Variants in NFIA observed in about 807,000 individuals in gnomAD.
NFIA encodes the protein nuclear factor I A.
Under a neutral mutation model 62.8 loss-of-function variants are expected in NFIA, and 8 were observed. The observed-to-expected ratio is 0.13, with a 90% confidence interval of 0.07 to 0.23. The LOEUF (loss-of-function observed/expected upper bound fraction) is 0.23, where lower values mean the gene tolerates loss of function less well. NFIA is among the 10% of genes least tolerant of loss of function. The pLI, the probability that NFIA is intolerant of heterozygous loss-of-function variation, is 1.00. For missense variants in NFIA, 410 were observed against 642.1 expected, an observed-to-expected ratio of 0.64 and a Z score of 3.91; for synonymous variants, 235 against 238.1, an observed-to-expected ratio of 0.99 and a Z score of 0.12.
chr1:61,231,238 G>T (rs1386812697), intron 2 of NFIA, among the ~76,000 whole-genome samples: 2 of 152,056 alleles, frequency 1.3e-5, no homozygotes, highest in African/African-American at 2.4e-5. Context: ...AAATTTCCTG[G>T]TTTTTTCTTT....
At chr1:61,127,283 C>T (rs765047945) in intron 2 of NFIA, among the ~76,000 whole-genome samples, 4 of 151,782 alleles carry the variant, frequency 2.6e-5, no homozygotes, top group Non-Finnish European at 5.9e-5. Context: ...CTGTGAAACC[C>T]CATCTCTACT....
intron 2 of NFIA, among the ~76,000 whole-genome samples, chr1:61,202,457 G>T (rs1652571418): frequency 6.6e-6 from 1 of 152,084 alleles, no homozygotes; most frequent in African/African-American, 2.4e-5. Flanking sequence ...GTACATTTTT[G>T]AGATTTATTG....
chr1:61,268,228 A>G (rs556299943), intron 2 of NFIA, among the ~76,000 whole-genome samples: 1 of 152,212 alleles, frequency 6.6e-6, no homozygotes, highest in Non-Finnish European at 1.5e-5. Flanking sequence ...CAACCTTCTC[A>G]TTAAGGCTTC....
At chr1:61,438,926 T>C (rs1667452815) in intron 10 of NFIA, among the ~76,000 whole-genome samples, 1 of 151,818 alleles carries the variant, frequency 6.6e-6, no homozygotes, top group African/African-American at 2.4e-5. Flanking sequence ...GTGGTGCATA[T>C]GGTATTACTT....
intron 2 of NFIA, among the ~76,000 whole-genome samples, chr1:61,148,699 A>G (rs539517094): frequency 1.3e-5 from 2 of 152,384 alleles, no homozygotes; most frequent in Non-Finnish European, 2.9e-5. Flanking sequence ...ATGATGCTAC[A>G]GTAACTGAAA....
At chr1:61,437,923 A>G (rs188021036) in intron 10 of NFIA, among the ~76,000 whole-genome samples, 106 of 152,314 alleles carry the variant, frequency 7.0e-4, no homozygotes, top group East Asian at 5.8e-4. Context: ...GAATAAATAC[A>G]TACCTTTTTC....
intron 2 of NFIA, among the ~76,000 whole-genome samples, chr1:61,208,629 A>C (rs1653045028): frequency 6.6e-6 from 1 of 152,176 alleles, no homozygotes; most frequent in African/African-American, 2.4e-5. Context: ...GTACAATAGG[A>C]ATAATAGAAG....
chr1:61,146,977 A>G (rs1328375329), intron 2 of NFIA, among the ~76,000 whole-genome samples: 1 of 152,178 alleles, frequency 6.6e-6, no homozygotes, highest in East Asian at 1.9e-4. Flanking sequence ...TTACATTGTT[A>G]GGACACCTGA....
chr1:61,364,434 A>G (rs1367764732), intron 6 of NFIA, among the ~76,000 whole-genome samples: 1 of 152,206 alleles, frequency 6.6e-6, no homozygotes, highest in Non-Finnish European at 1.5e-5. Flanking sequence ...TGCTTTCAAT[A>G]AACTTGAAAG....
At chr1:61,357,727 C>T (rs1208326057) in intron 5 of NFIA, among the ~76,000 whole-genome samples, 1 of 152,168 alleles carries the variant, frequency 6.6e-6, no homozygotes, top group Non-Finnish European at 1.5e-5. Context: ...TATCCCAGCA[C>T]TTTGCACAGC....
chr1:61,312,543 A>G (rs1660172504), intron 3 of NFIA, among the ~76,000 whole-genome samples: 1 of 151,834 alleles, frequency 6.6e-6, no homozygotes, highest in African/African-American at 2.4e-5. Context: ...AGGATTAGAC[A>G]ACGTGGTCAC....
chr1:61,321,331 T>C (rs191453789), intron 3 of NFIA, among the ~76,000 whole-genome samples: 21 of 152,248 alleles, frequency 1.4e-4, no homozygotes, highest in African/African-American at 4.8e-4. Flanking sequence ...AACAACTGTT[T>C]CAGCTTTTAA....
At chr1:61,435,982 G>A (rs1667310249) in intron 10 of NFIA, among the ~76,000 whole-genome samples, 1 of 152,170 alleles carries the variant, frequency 6.6e-6, no homozygotes, top group Admixed American at 6.5e-5. Flanking sequence ...GTGCGTGACT[G>A]TGCAGAGGTC....
chr1:61,265,890 A>G (rs1002031866), intron 2 of NFIA, among the ~76,000 whole-genome samples: 1 of 152,224 alleles, frequency 6.6e-6, no homozygotes, highest in Non-Finnish European at 1.5e-5. Flanking sequence ...GGTCATTTAT[A>G]AAGTATAATA....
intron 2 of NFIA, among the ~76,000 whole-genome samples, chr1:61,153,710 T>C (rs1220848925): frequency 1.3e-5 from 2 of 152,232 alleles, no homozygotes; most frequent in East Asian, 3.8e-4. Context: ...TCTGCCTTAT[T>C]AGACATGTGA....
chr1:61,384,001 G>A (rs995976095), intron 7 of NFIA, among the ~76,000 whole-genome samples: 3 of 152,186 alleles, frequency 2.0e-5, no homozygotes, highest in Admixed American at 1.3e-4. Context: ...CGAGAAATAT[G>A]ATTTGTATTT....
chr1:61,217,567 G>A (rs1292958926), intron 2 of NFIA, among the ~76,000 whole-genome samples: 1 of 152,190 alleles, frequency 6.6e-6, no homozygotes, highest in Non-Finnish European at 1.5e-5. Context: ...TAGCAGAGCT[G>A]AAGTCAAGAG....
chr1:61,191,453 G>T (rs1202977156), intron 2 of NFIA, among the ~76,000 whole-genome samples: 2 of 151,996 alleles, frequency 1.3e-5, no homozygotes, highest in East Asian at 3.9e-4. Flanking sequence ...TCTCTAGCCT[G>T]GTTTTTTTTT....
intron 2 of NFIA, among the ~76,000 whole-genome samples, chr1:61,276,101 C>A (rs1657788352): frequency 6.6e-6 from 1 of 152,072 alleles, no homozygotes. Flanking sequence ...TAAAAATTCA[C>A]TTTTTAGCAT....
Sources: allele counts gnomAD v4.1 joint callset (sites outside exome capture counted in the v4.1 genomes callset), GRCh38; gene constraint gnomAD v4.1.1; transcripts MANE v1.5; gene names NCBI Gene and HGNC (gene_info 2026-07-23, HGNC 2026-07-21).